Variants in STKLD1 observed in about 807,000 individuals in gnomAD.
STKLD1 encodes serine/threonine kinase-like domain-containing protein STKLD1.
Under a neutral mutation model 80.4 loss-of-function variants are expected in STKLD1, and 79 were observed. The ratio of observed to expected loss-of-function variants is 0.98; its 90% CI spans 0.82 to 1.19. The LOEUF (loss-of-function observed/expected upper bound fraction) is 1.19. Among genes scored for constraint, STKLD1 ranks in the 50% most tolerant of loss-of-function variants. The pLI is 0.00. For synonymous variants in STKLD1, 393 were observed against 357.6 expected, an observed-to-expected ratio of 1.10 and a Z score of -1.12; for missense variants, 841 against 856.0, an observed-to-expected ratio of 0.98 and a Z score of 0.22.
In STKLD1 at chr9:133,397,220, T is replaced by C; in HGVS notation, c.923T>C (p.Leu308Pro). The C allele has an allele frequency of 6.2e-7, 1 of 1,614,018 alleles. No individual in the cohort carries two copies. Among genetic ancestry groups the C allele is most frequent in the Non-Finnish European group, 8.5e-7 (1 of 1,180,012 alleles). ...TCCTTCAAGTCCTCGTGCGTCTCTC[T>C]GACCCTGCACCGGCAGATGGTGCCT... ...RGSFKSSCVS[L>P]TLHRQMVPAS... is the part of the protein sequence containing the mutation. The change falls in exon 10 of 18, where the codon CTG becomes CCG. Residue 308 changes from leucine (L) to proline (P), a missense_variant. By Grantham distance (98) the Leu-to-Pro change is moderately conservative. Transcript: ENST00000371957.
intron 11 of STKLD1, among the ~76,000 whole-genome samples, chr9:133,400,113 G>A (rs1838660666): frequency 6.6e-6 from 1 of 152,178 alleles, no homozygotes; most frequent in African/African-American, 2.4e-5. Flanking sequence ...AGACTGGCTA[G>A]GTTCAAACTG....
rs782365414 is a variant in STKLD1, at chr9:133,403,011, C to T, written c.1473C>T (p.Asp491=). The T allele has an allele frequency of 2.7e-5, 42 of 1,563,788 alleles. No individual in the cohort carries two copies. Among genetic ancestry groups the T allele is most frequent in the East Asian group, 7.1e-5 (3 of 42,264 alleles). ...GCCTGCTCTGGGCCCTCCTGCTGGA[C>T]GGTGAGGGGCCCTCCTCCTGCTGTC... ...GLGLLWALLL[D]GIIVNKAPLE... The change falls in exon 14 of 18, where the codon GAC becomes GAT. Residue 491 remains aspartate (D), a splice_region_variant and synonymous_variant. Coordinates refer to ENST00000371957, the MANE Select transcript of STKLD1 (RefSeq NM_153710.5).
In STKLD1 at chr9:133,394,347, A is replaced by T; in HGVS notation, c.640A>T (p.Lys214Ter). The change falls in exon 8 of 18, where the codon AAA becomes TAA. Residue 214 changes from lysine (K) to a stop codon, truncating the protein, a stop_gained. Transcript: ENST00000371957. LOFTEE classifies it high-confidence loss of function. This position sits in a 1 kb window ranked among gnomAD's most constrained non-coding sequence, Gnocchi z 4.9. Reference protein sequence around the residue: ...PEALNFSFSQKSDIWSLGCII... With the variant: ...PEALNFSFSQ ...AGCCCTCAACTTCTCCTTCAGCCAG[A>T]AATCAGACATCTGGTCCCTGGGCTG... 2 of 1,613,944 alleles carry T rather than the reference A, an allele frequency of 1.2e-6. No homozygotes were observed. The highest frequency in any genetic ancestry group is 3.3e-5 in the Admixed American group (2 of 60,004).
chr9:133,376,683 G>A lies in STKLD1; in HGVS notation c.87+123G>A, dbSNP rs1237616740. 9.7e-6 allele frequency: 8 copies of A among 824,694 alleles called. No homozygotes were observed. In the African/African-American group the frequency reaches 1.3e-4, roughly 13 times the overall value. The allele number at this position is 824,694 out of a possible 1,614,324, so 51.1% of individuals were successfully genotyped here. Reference sequence around the variant, plus strand: ...CCCGCGCCCTGGCCAGTGTCGGCCTGCAGCTCCTAGGTTGAACCCGGGGGG... The same window carrying A: ...CCCGCGCCCTGGCCAGTGTCGGCCTACAGCTCCTAGGTTGAACCCGGGGGG... On this transcript the variant is annotated intron_variant, in intron 1 of 17. Coordinates refer to ENST00000371957, the MANE Select transcript of STKLD1 (RefSeq NM_153710.5).
In STKLD1 at chr9:133,385,507, C is replaced by T. The variant is rs1466576640; in HGVS notation, c.220-110C>T. 2 of 1,158,884 alleles carry T rather than the reference C, an allele frequency of 1.7e-6. No homozygotes were observed. The highest frequency in any genetic ancestry group is 1.9e-5 in the Admixed American group (1 of 53,444). 71.8% of individuals were successfully genotyped at this position (1,158,884 alleles called of 1,614,324 possible). ...TCCCTGAGCCCACTCCCTGGCCCAGCTCAGAGCCCGAGGCTTGCATGTTTG... is the reference window on the plus strand; with the variant it reads ...TCCCTGAGCCCACTCCCTGGCCCAGTTCAGAGCCCGAGGCTTGCATGTTTG... On this transcript the variant is annotated intron_variant, in intron 3 of 17. Transcript: ENST00000371957. The surrounding 1 kb of genome is among the most constrained non-coding windows in gnomAD (Gnocchi z 4.9).
intron 7 of STKLD1, among the ~76,000 whole-genome samples, chr9:133,391,236 TG>T (rs1201925712): frequency 5.0e-5 from 7 of 138,756 alleles, no homozygotes; most frequent in Admixed American, 1.4e-4. Context: ...GGGAGGGAGG[TG>T]GGGGGGTCAG....
intron 9 of STKLD1, among the ~76,000 whole-genome samples, 180 bp from the exon 10 acceptor site, chr9:133,396,984 G>C (rs1838578773): frequency 6.6e-6 from 1 of 152,138 alleles, no homozygotes. Flanking sequence ...TTGCTGGGGT[G>C]CTTGCCGGAC....
chr9:133,382,773 G>GTGATGA (rs1206193892), intron 2 of STKLD1, among the ~76,000 whole-genome samples: 1 of 130,546 alleles, frequency 7.7e-6, no homozygotes, highest in Non-Finnish European at 1.8e-5. Context: ...GGTGATGATG[G>GTGATGA]TGGTGATGAT....
chr9:133,403,196 G>A (rs1329290020), intron 14 of STKLD1, among the ~76,000 whole-genome samples, 184 bp downstream of exon 14: 1 of 152,268 alleles, frequency 6.6e-6, no homozygotes, highest in Admixed American at 6.5e-5. Flanking sequence ...AGCAGAGAGA[G>A]AAAAGGCAGG....
intron 7 of STKLD1, among the ~76,000 whole-genome samples, chr9:133,392,061 G>T (rs2119223075): frequency 6.6e-6 from 1 of 150,872 alleles, no homozygotes; most frequent in Admixed American, 6.6e-5. Flanking sequence ...GCAGTTGCTG[G>T]TTGCACTCTG....
intron 2 of STKLD1, among the ~76,000 whole-genome samples, chr9:133,383,171 TGTGATGATG>T (rs1166448711): frequency 2.0e-5 from 3 of 147,690 alleles, no homozygotes; most frequent in South Asian, 2.2e-4. Flanking sequence ...GTGATGATTG[TGTGATGATG>T]GTGATGATGG....
rs2130285128 is a variant in STKLD1 at position 133,389,799 on chromosome 9, C to T, written c.467+203C>T. ...CAAGTGGTCTCAAGCCATGTGCACA[C>T]GCACAGCTGCATGGGGTGTGCGCTA... On this transcript the variant is annotated intron_variant, in intron 6 of 17. Coordinates refer to ENST00000371957, the MANE Select transcript of STKLD1 (RefSeq NM_153710.5). The surrounding 1 kb of genome is among the most constrained non-coding windows in gnomAD (Gnocchi z 6.4). Among the ~76,000 whole-genome samples, 8 of 152,202 alleles carry T rather than the reference C, an allele frequency of 5.3e-5. No individual in the cohort carries two copies. The highest frequency in any genetic ancestry group is 1.7e-4 in the African/African-American group (7 of 41,450).
chr9:133,390,075 C>T lies in STKLD1; in HGVS notation c.467+479C>T, dbSNP rs2130285701. Among the ~76,000 whole-genome samples, 9 of 152,096 alleles carry T rather than the reference C, an allele frequency of 5.9e-5. No individual in the cohort carries two copies. The highest frequency in any genetic ancestry group is 1.0e-4 in the Non-Finnish European group (7 of 68,024). On this transcript the variant is annotated intron_variant, in intron 6 of 17. Transcript: ENST00000371957. The surrounding 1 kb of genome is among the most constrained non-coding windows in gnomAD (Gnocchi z 5.1). ...CTATGCAGCTGGGCGTGGTGGTGCA[C>T]GCCTGTGGTCCTAGCAACATGGAGG...
intron 5 of STKLD1, 63 bp downstream of exon 5, chr9:133,387,611 G>A (rs1050393385): frequency 9.1e-5 from 120 of 1,323,206 alleles, no homozygotes; most frequent in East Asian, 2.1e-4. Flanking sequence ...GCCCTGCGGT[G>A]CAGGGCAAAG....
At chr9:133,377,045 A>G (rs1334600728) in intron 1 of STKLD1, among the ~76,000 whole-genome samples, 1 of 152,248 alleles carries the variant, frequency 6.6e-6, no homozygotes, top group Admixed American at 6.5e-5. Context: ...ACACTTTATT[A>G]AATGTTAGAT....
chr9:133,381,665 GTC>G (rs1210896390), intron 2 of STKLD1, among the ~76,000 whole-genome samples: 2 of 151,086 alleles, frequency 1.3e-5, no homozygotes, highest in African/African-American at 4.9e-5. Context: ...GGTCAGGCTG[GTC>G]TCGAACTCCC....
In STKLD1 at chr9:133,398,063, C is replaced by T. The variant is rs1838608152; in HGVS notation, c.1081+8C>T. On this transcript the variant is annotated splice_region_variant and intron_variant, in intron 11 of 17. Coordinates refer to ENST00000371957, the MANE Select transcript of STKLD1 (RefSeq NM_153710.5). ...TGCCTGCAGATCAGCTAGGTAGGCC[C>T]CACCCTGCACCCCTTTCCCAGCTGC... The T allele has an allele frequency of 1.2e-6, 2 of 1,611,874 alleles. No homozygotes were observed. Among genetic ancestry groups the T allele is most frequent in the Non-Finnish European group, 1.7e-6 (2 of 1,178,794 alleles).
rs372250707 is a variant in STKLD1, at chr9:133,403,737, G to A, written c.1512G>A (p.Pro504=). ...ACAAGGCCCCCTTGGAGAAGGTCCCGGACCTCATCAGCCAGGTGTTGGCCA... is the reference window on the plus strand; with the variant it reads ...ACAAGGCCCCCTTGGAGAAGGTCCCAGACCTCATCAGCCAGGTGTTGGCCA... ...IVNKAPLEKV[P]DLISQVLATY... The change falls in exon 15 of 18, where the codon CCG becomes CCA. Residue 504 remains proline, a synonymous_variant. Transcript: ENST00000371957. 90 of 1,613,786 alleles carry A rather than the reference G, an allele frequency of 5.6e-5. No individual in the cohort carries two copies. In the African/African-American group the frequency reaches 8.1e-4, roughly 15 times the overall value.
At chr9:133,383,753 C>A in intron 2 of STKLD1, 103 bp from the exon 3 acceptor site, 1 of 1,039,896 alleles carries the variant, frequency 9.6e-7, no homozygotes, top group Non-Finnish European at 1.5e-6. Flanking sequence ...GAGGTGGTGG[C>A]TGTGCAGATG....
Sources: gnomAD v4.1 joint callset for allele counts (sites outside exome capture counted in the v4.1 genomes callset) on GRCh38, gnomAD v4.1.1 for gene constraint, Gnocchi (gnomAD v3.1) non-coding constraint, MANE v1.5 for transcripts, NCBI Gene and HGNC (gene_info 2026-07-23, HGNC 2026-07-21) for gene names.